Variants in CCDC92B observed in about 807,000 individuals in gnomAD.
CCDC92B encodes coiled-coil domain-containing 92B.
Under a neutral mutation model 5.6 loss-of-function variants are expected in CCDC92B, and 2 were observed. The observed-to-expected ratio is 0.36, with a 90% CI of 0.15 to 1.12. The LOEUF is 1.12. CCDC92B is among the 50% of genes most tolerant of loss of function. The pLI, the probability that CCDC92B is intolerant of heterozygous loss-of-function variation, is 0.40. For missense variants in CCDC92B, 271 were observed against 262.2 expected, an observed-to-expected ratio of 1.03 and a Z score of -0.23; for synonymous variants, 115 against 122.3, an observed-to-expected ratio of 0.94 and a Z score of 0.39.
At position 2,728,742 on chromosome 17, in the gene CCDC92B, C is replaced by G. The variant is rs191658735; in HGVS notation, c.178+1704G>C. Among the ~76,000 whole-genome samples the G allele has an allele frequency of 1.9e-3, 288 of 152,350 alleles. 1 individual carries two copies. Among genetic ancestry groups the G allele is most frequent in the African/African-American group, 6.5e-3 (269 of 41,604 alleles). On this transcript the variant is annotated intron_variant, in intron 3 of 3. Transcript: ENST00000614400. ...GGCTGTGTCACAGAACTGTCCTAAT[C>G]TAGTGTCTGGGGCATGTGCTGCCTT...
chr17:2,734,065 C>T (rs1344528974), intron 2 of CCDC92B, among the ~76,000 whole-genome samples: 2 of 151,780 alleles, frequency 1.3e-5, no homozygotes, highest in Non-Finnish European at 2.9e-5. Context: ...TGGCCTCCAG[C>T]TGGATTTCTT....
At chr17:2,738,969 G>A (rs2070888570) in intron 1 of CCDC92B, among the ~76,000 whole-genome samples, 1 of 151,616 alleles carries the variant, frequency 6.6e-6, no homozygotes, top group African/African-American at 2.4e-5. Context: ...TACTCGGGAG[G>A]TTGACCCAGG....
At chr17:2,744,770 T>C (rs1174527432) in intron 1 of CCDC92B, among the ~76,000 whole-genome samples, 1 of 152,092 alleles carries the variant, frequency 6.6e-6, no homozygotes, top group African/African-American at 2.4e-5. Flanking sequence ...CAGGTCAATA[T>C]ACTGGTGCAA....
chr17:2,735,597 A>G (rs2070849571), intron 1 of CCDC92B, among the ~76,000 whole-genome samples: 1 of 152,030 alleles, frequency 6.6e-6, no homozygotes, highest in Non-Finnish European at 1.5e-5. Flanking sequence ...TGCCCGGCTA[A>G]TTTTTGTATT....
In CCDC92B at chr17:2,724,684, C is replaced by G; in HGVS notation, c.495G>C (p.Arg165Ser). Residue 165 changes from arginine to serine, a missense_variant, in exon 4 of 4, where the codon AGG becomes AGC. Arg to Ser is a moderately radical substitution (Grantham distance 110, BLOSUM62 -1). Coordinates refer to ENST00000614400, the MANE Select transcript of CCDC92B (RefSeq NM_001355573.2). This position sits in a 1 kb window ranked among gnomAD's most constrained non-coding sequence, Gnocchi z 5.0. ...GGGCTCGCAGTGCGCGGCGGCGTGG[C>G]CTGGGCTCGGCGGTGGCGCCGGGGC... is the stretch of plus-strand genomic sequence containing the variant. ...RPGPGATAEP[R>S]PRRRALRARR... 5 of 981,806 alleles carry G rather than the reference C, an allele frequency of 5.1e-6. No individual in the cohort carries two copies. In the South Asian group the frequency reaches 1.4e-4, roughly 27 times the overall value. The allele number at this position is 981,806 out of a possible 1,614,324, so 60.8% of individuals were successfully genotyped here.
chr17:2,727,462 A>T (rs577054188), intron 3 of CCDC92B, among the ~76,000 whole-genome samples: 16 of 152,296 alleles, frequency 1.1e-4, no homozygotes, highest in Non-Finnish European at 1.6e-4. Flanking sequence ...GGCACAGGTG[A>T]GTGTAGGGAC....
chr17:2,749,080 G>A (rs527412406), intron 1 of CCDC92B, among the ~76,000 whole-genome samples: 3 of 148,870 alleles, frequency 2.0e-5, no homozygotes, highest in Admixed American at 6.7e-5. Context: ...GGCAGGGGTT[G>A]GGGGGGGGAT....
At chr17:2,732,099 C>T (rs941358413) in intron 2 of CCDC92B, among the ~76,000 whole-genome samples, 3 of 152,184 alleles carry the variant, frequency 2.0e-5, no homozygotes, top group Non-Finnish European at 4.4e-5. Context: ...CGGGCTTGGC[C>T]CAGGGCTGAG....
At chr17:2,730,856 A>T (rs1161154640) in intron 2 of CCDC92B, among the ~76,000 whole-genome samples, 1 of 152,136 alleles carries the variant, frequency 6.6e-6, no homozygotes, top group Non-Finnish European at 1.5e-5. Flanking sequence ...TATGCCAGCC[A>T]GTCAAAGCAG....
At chr17:2,747,217 G>A (rs2070997346) in intron 1 of CCDC92B, among the ~76,000 whole-genome samples, 1 of 152,086 alleles carries the variant, frequency 6.6e-6, no homozygotes, top group Admixed American at 6.6e-5. Context: ...CCCAGTTTCA[G>A]CTTTTCCTAG....
intron 1 of CCDC92B, among the ~76,000 whole-genome samples, chr17:2,735,432 CT>C (rs926426821): frequency 4.6e-5 from 7 of 152,060 alleles, no homozygotes; most frequent in African/African-American, 1.4e-4. Flanking sequence ...TCCCATGTAA[CT>C]TTTTTTCTTT....
At chr17:2,736,875 T>G (rs2070863623) in intron 1 of CCDC92B, among the ~76,000 whole-genome samples, 1 of 142,584 alleles carries the variant, frequency 7.0e-6, no homozygotes, top group Non-Finnish European at 1.5e-5. Flanking sequence ...AGTGAGACTC[T>G]GTCTCAAAAA....
At chr17:2,740,965 CAAAAAAAAAA>C (rs34349370) in intron 1 of CCDC92B, among the ~76,000 whole-genome samples, 12 of 50,932 alleles carry the variant, frequency 2.4e-4, no homozygotes, top group Admixed American at 5.9e-4. Context: ...GACCCTGTCT[CAAAAAAAAAA>C]AAAAAAAAAA....
At chr17:2,727,558 G>A (rs896397515) in intron 3 of CCDC92B, among the ~76,000 whole-genome samples, 25 of 152,234 alleles carry the variant, frequency 1.6e-4, no homozygotes, top group Non-Finnish European at 3.4e-4. Flanking sequence ...GGGTGCAGTG[G>A]CTCACGCCTG....
chr17:2,739,612 G>T (rs2070904168), intron 1 of CCDC92B, among the ~76,000 whole-genome samples: 1 of 151,458 alleles, frequency 6.6e-6, no homozygotes, highest in Non-Finnish European at 1.5e-5. Context: ...AACCCGGGAG[G>T]TGGAGCTTGC....
rs1015002278 is a variant in CCDC92B at position 2,724,784 on chromosome 17, T to C, written c.395A>G (p.Lys132Arg). The change falls in exon 4 of 4, where the codon AAG becomes AGG. Residue 132 changes from lysine to arginine, a missense_variant. Transcript: ENST00000614400. The surrounding 1 kb of genome is among the most constrained non-coding windows in gnomAD (Gnocchi z 5.0). ...GAGGTAGGCGGCCGCCTCGGTGTGCTTCTGCAGCTCGGTGCCCAGCACGGT... is the reference window on the plus strand; with the variant it reads ...GAGGTAGGCGGCCGCCTCGGTGTGCCTCTGCAGCTCGGTGCCCAGCACGGT... Reference protein sequence around the residue: ...RATVLGTELQKHTEAAAYLSC... With the variant: ...RATVLGTELQRHTEAAAYLSC... The C allele has an allele frequency of 3.0e-6, 3 of 983,728 alleles. No individual in the cohort carries two copies. The African/African-American group carries it at 5.3e-5, about 17-fold the overall frequency. 60.9% of individuals were successfully genotyped at this position (983,728 alleles called of 1,614,324 possible). A position where few individuals can be genotyped will look rare whatever the true frequency, so the allele number is the denominator to read the frequency against.
At chr17:2,726,371 A>G (rs1225213764) in intron 3 of CCDC92B, among the ~76,000 whole-genome samples, 15 of 149,276 alleles carry the variant, frequency 1.0e-4, no homozygotes, top group Admixed American at 9.4e-4. Flanking sequence ...TTTAGTAGAG[A>G]CAGGGTTTCA....
intron 3 of CCDC92B, among the ~76,000 whole-genome samples, chr17:2,728,602 C>A (rs563740702): frequency 1.0e-3 from 141 of 138,398 alleles, no homozygotes; most frequent in Middle Eastern, 3.8e-3. Flanking sequence ...GACTCCGTCT[C>A]AAAAAAAAAA....
At chr17:2,741,985 CAAAA>C (rs544103814) in intron 1 of CCDC92B, among the ~76,000 whole-genome samples, 1 of 73,590 alleles carries the variant, frequency 1.4e-5, no homozygotes. Flanking sequence ...GACTCCATCT[CAAAA>C]AAAAAAAAAA....
Sources: allele counts gnomAD v4.1 joint callset (sites outside exome capture counted in the v4.1 genomes callset), GRCh38; gene constraint gnomAD v4.1.1; non-coding constraint Gnocchi (gnomAD v3.1); transcripts MANE v1.5; gene names NCBI Gene and HGNC (gene_info 2026-07-23, HGNC 2026-07-21).